The following ARHGAP31 variants were observed in gnomAD, a reference collection of about 807,000 sequenced individuals.
ARHGAP31 encodes rho GTPase-activating protein 31.
In ARHGAP31, 34 loss-of-function variants were observed where a neutral mutation model predicts 113.9. The observed-to-expected ratio is 0.30, with a 90% CI of 0.23 to 0.40. The LOEUF (loss-of-function observed/expected upper bound fraction) is 0.40, where lower values mean the gene tolerates loss of function less well. Ranked by LOEUF, ARHGAP31 falls within the 10% of genes least tolerant of loss-of-function variation. The probability of loss-of-function intolerance (pLI) is 1.00; values close to 1 mark genes in which losing one functional copy is unlikely to be tolerated. For missense variants in ARHGAP31, 1,548 were observed against 1,767.1 expected (o/e 0.88, Z 2.22); for synonymous variants, 650 against 684.8 (o/e 0.95, Z 0.79).
intron 1 of ARHGAP31, among the ~76,000 whole-genome samples, chr3:119,342,841 C>T (rs2080021097): frequency 6.6e-6 from 1 of 151,778 alleles, no homozygotes; most frequent in Admixed American, 6.6e-5. Context: ...CCCCACTACT[C>T]GGGAGGCTGA....
chr3:119,362,037 G>A (rs988001588), intron 1 of ARHGAP31, among the ~76,000 whole-genome samples: 5 of 152,214 alleles, frequency 3.3e-5, no homozygotes, highest in Non-Finnish European at 7.3e-5. Context: ...CTCAGAATGT[G>A]TTTTCCCACC....
chr3:119,382,329 G>T lies in ARHGAP31; in HGVS notation c.469G>T (p.Ala157Ser). The change falls in exon 5 of 12, where the codon GCC becomes TCC. Residue 157 changes from alanine (A) to serine (S), a missense_variant. Physicochemically the swap from Ala to Ser is moderately conservative, Grantham distance 99 (BLOSUM62 1). Transcript: ENST00000264245. ...EYLIRHLAHI[A>S]SFSSKTNMHA... ...CCTGATTCGACACCTGGCCCATATC[G>T]CCTCCTTCAGCAGCAAGACCAACAT... The T allele has an allele frequency of 1.9e-6, 3 of 1,614,006 alleles. No homozygotes were observed. Among genetic ancestry groups the T allele is most frequent in the Non-Finnish European group, 1.7e-6 (2 of 1,180,004 alleles).
chr3:119,301,789 C>T (rs1334331297), intron 1 of ARHGAP31, among the ~76,000 whole-genome samples: 1 of 152,172 alleles, frequency 6.6e-6, no homozygotes, highest in Non-Finnish European at 1.5e-5. Flanking sequence ...ACTGCCCTGC[C>T]ACCTCCCTTG....
intron 1 of ARHGAP31, among the ~76,000 whole-genome samples, chr3:119,337,374 G>A (rs2079964698): frequency 6.6e-6 from 1 of 152,160 alleles, no homozygotes; most frequent in Non-Finnish European, 1.5e-5. Context: ...TGCTCTCGCT[G>A]ACTTCAGGAG....
chr3:119,350,813 GAAAC>G (rs2080104413), intron 1 of ARHGAP31, among the ~76,000 whole-genome samples: 1 of 152,108 alleles, frequency 6.6e-6, no homozygotes, highest in Non-Finnish European at 1.5e-5. Context: ...GTACAAATGA[GAAAC>G]AAAAACAAAA....
At chr3:119,324,190 G>A (rs890356358) in intron 1 of ARHGAP31, among the ~76,000 whole-genome samples, 1 of 152,088 alleles carries the variant, frequency 6.6e-6, no homozygotes, top group Non-Finnish European at 1.5e-5. Flanking sequence ...CCCTTGTCTA[G>A]CCCCTACCCC....
At chr3:119,309,945 A>T (rs977525885) in intron 1 of ARHGAP31, among the ~76,000 whole-genome samples, 4 of 128,184 alleles carry the variant, frequency 3.1e-5, no homozygotes, top group Non-Finnish European at 5.2e-5. Context: ...AGGCACTATC[A>T]ACTGTTTTTT....
intron 11 of ARHGAP31, 49 bp downstream of exon 11, chr3:119,409,825 C>T: frequency 2.0e-6 from 3 of 1,527,314 alleles, no homozygotes; most frequent in Non-Finnish European, 2.6e-6. Context: ...TATTTTTTCC[C>T]AAGGGCTCTT....
chr3:119,326,684 G>A (rs2079846966), intron 1 of ARHGAP31, among the ~76,000 whole-genome samples: 1 of 152,158 alleles, frequency 6.6e-6, no homozygotes, highest in Admixed American at 6.5e-5. Flanking sequence ...CAAGACCTTG[G>A]TGTTCAGAAA....
Position 119,414,597 on chromosome 3 carries a change from G to A in ARHGAP31, c.2668G>A (p.Glu890Lys). 1.9e-6 allele frequency: 3 copies of A among 1,614,224 alleles called. No individual in the cohort carries two copies. Among genetic ancestry groups the A allele is most frequent in the South Asian group, 1.1e-5 (1 of 91,086 alleles). The stretch of plus-strand genomic sequence containing the variant: ...AGTACAGGAGCCTTCAGACTGTGAC[G>A]AAGATGACACTGTGACAGACATTGC... The part of the protein sequence containing the change: ...HSVQEPSDCD[E>K]DDTVTDIAQH... The change falls in exon 12 of 12, where the codon GAA becomes AAA. Residue 890 changes from glutamate to lysine, a missense_variant. Physicochemically the swap from Glu to Lys is moderately conservative, Grantham distance 56. Coordinates refer to ENST00000264245, the MANE Select transcript of ARHGAP31 (RefSeq NM_020754.4).
At chr3:119,339,352 T>C (rs1559972580) in intron 1 of ARHGAP31, among the ~76,000 whole-genome samples, 1 of 152,238 alleles carries the variant, frequency 6.6e-6, no homozygotes, top group Non-Finnish European at 1.5e-5. Flanking sequence ...CTAAGCTGAC[T>C]ATAAGTTTAA....
At chr3:119,364,264 A>T (rs1052738202) in intron 1 of ARHGAP31, among the ~76,000 whole-genome samples, 1 of 147,908 alleles carries the variant, frequency 6.8e-6, no homozygotes, top group African/African-American at 2.5e-5. Flanking sequence ...TCTTACCTTT[A>T]AAAAAAAAAC....
chr3:119,409,747 A>G lies in ARHGAP31; in HGVS notation c.1897A>G (p.Arg633Gly). 6.2e-7 allele frequency: 1 copy of G among 1,606,932 alleles called. No homozygotes were observed. Among genetic ancestry groups the G allele is most frequent in the South Asian group, 1.1e-5 (1 of 89,736 alleles). Reference protein sequence around the residue: ...SSTLQESPRARAEAVLLHEMD... With the variant: ...SSTLQESPRAGAEAVLLHEMD... The stretch of plus-strand genomic sequence containing the variant: ...CACCCTGCAGGAGAGCCCCAGGGCC[A>G]GAGCCGAAGCTGTGCTTCTCCATGA... Residue 633 changes from arginine (R) to glycine (G), a missense_variant, in exon 11 of 12, where the codon AGA becomes GGA. By Grantham distance (125) the Arg-to-Gly change is moderately radical (BLOSUM62 -2). Coordinates refer to ENST00000264245, the MANE Select transcript of ARHGAP31 (RefSeq NM_020754.4).
At chr3:119,354,113 C>T (rs1483483949) in intron 1 of ARHGAP31, among the ~76,000 whole-genome samples, 5 of 152,228 alleles carry the variant, frequency 3.3e-5, no homozygotes, top group African/African-American at 9.6e-5. Flanking sequence ...GACCCCCACC[C>T]GGGGAACCGG....
chr3:119,332,208 G>GT lies in ARHGAP31; in HGVS notation c.101-33100dup, dbSNP rs199879826. On this transcript the variant is annotated intron_variant, in intron 1 of 11. Coordinates refer to ENST00000264245, the MANE Select transcript of ARHGAP31 (RefSeq NM_020754.4). ...TCTTCCTCTGGATTCCTTGTTTTTT[G>GT]TTTTTTTTGAGACAGAGTTTTGCTC... Among the ~76,000 whole-genome samples, 603 of 150,902 alleles carry GT rather than the reference G, an allele frequency of 4.0e-3. 5 individuals carry two copies. The highest frequency in any genetic ancestry group is 0.013 in the African/African-American group (526 of 41,122).
chr3:119,363,924 G>A (rs959517856), intron 1 of ARHGAP31, among the ~76,000 whole-genome samples: 7 of 152,248 alleles, frequency 4.6e-5, no homozygotes, highest in African/African-American at 1.4e-4. Context: ...GATGGGTTAG[G>A]TTGTTCTATC....
At chr3:119,386,630 G>A (rs116214305) in intron 6 of ARHGAP31, among the ~76,000 whole-genome samples, 6,216 of 152,276 alleles carry the variant, frequency 0.041, 396 homozygotes, top group African/African-American at 0.14. Context: ...AAAGGGATAA[G>A]AGAAAAGACA....
chr3:119,297,716 G>T (rs2079545060), intron 1 of ARHGAP31, among the ~76,000 whole-genome samples: 1 of 152,202 alleles, frequency 6.6e-6, no homozygotes, highest in South Asian at 2.1e-4. Flanking sequence ...GACAAAGGCT[G>T]AAGACAGAAT....
intron 1 of ARHGAP31, chr3:119,298,943 G>T: frequency 4.4e-6 from 1 of 226,466 alleles, no homozygotes; most frequent in South Asian, 7.5e-5. Flanking sequence ...AAGCCTGCAA[G>T]GACCAAACAC....
Sources: gnomAD v4.1 joint callset for allele counts (sites outside exome capture counted in the v4.1 genomes callset) on GRCh38, gnomAD v4.1.1 for gene constraint, MANE v1.5 for transcripts, NCBI Gene and HGNC (gene_info 2026-07-23, HGNC 2026-07-21) for gene names.